The following SBF2 variants were observed in gnomAD, a reference collection of about 807,000 sequenced individuals.
SBF2 encodes the protein myotubularin-related protein 13.
Under a neutral mutation model 225.2 loss-of-function variants are expected in SBF2, and 112 were observed. That is an observed-to-expected ratio of 0.50 (90% CI 0.43 to 0.58). SBF2 has a LOEUF of 0.58. Among genes scored for constraint, SBF2 ranks in the 20% least tolerant of loss-of-function variants. SBF2 has a pLI of 0.00. For synonymous variants in SBF2, 763 were observed against 773.3 expected (o/e 0.99, Z 0.22); for missense variants, 1,996 against 2,206.2 (o/e 0.90, Z 1.91).
chr11:10,098,691 A>G (rs906679253), intron 2 of SBF2, among the ~76,000 whole-genome samples: 8 of 148,558 alleles, frequency 5.4e-5, no homozygotes, highest in South Asian at 2.1e-4. Context: ...ACACACACAC[A>G]CACACACACA....
chr11:9,788,243 C>T (rs1247225220), intron 35 of SBF2, among the ~76,000 whole-genome samples: 1 of 152,198 alleles, frequency 6.6e-6, no homozygotes, highest in African/African-American at 2.4e-5. Context: ...AGGGCAGCTG[C>T]CTCTGTGACT....
intron 29 of SBF2, among the ~76,000 whole-genome samples, chr11:9,815,281 T>TAAAAAAAA (rs35464212): frequency 4.7e-5 from 2 of 42,802 alleles, no homozygotes; most frequent in Non-Finnish European, 7.7e-5. Context: ...CTACTAAAAC[T>TAAAAAAAA]AAAAAAAAAA....
intron 28 of SBF2, among the ~76,000 whole-genome samples, chr11:9,824,624 A>C (rs879629613): frequency 1.3e-5 from 2 of 152,132 alleles, no homozygotes; most frequent in Non-Finnish European, 2.9e-5. Flanking sequence ...TTGAGTACCA[A>C]CATAATAGGA....
chr11:10,068,971 C>A (rs1441668916), intron 2 of SBF2, among the ~76,000 whole-genome samples: 1 of 152,138 alleles, frequency 6.6e-6, no homozygotes, highest in Non-Finnish European at 1.5e-5. Context: ...GCACTCTACC[C>A]CTCACTTCCA....
In SBF2 at chr11:9,909,502, T is replaced by C. The variant is rs1862409772; in HGVS notation, c.1861-13491A>G. 2.6e-5 allele frequency among the ~76,000 whole-genome samples: 4 copies of C among 151,866 alleles called. No homozygotes were observed. The South Asian group carries it at 8.3e-4, about 32-fold the overall frequency. On this transcript the variant is annotated intron_variant, in intron 16 of 39. Transcript: ENST00000256190. ...CTGGCTAACACAGTGAAACCCCACC[T>C]CTACTAAAAATACAAAAATTAGCCG...
At chr11:10,159,133 G>C (rs1955604458) in intron 2 of SBF2, among the ~76,000 whole-genome samples, 1 of 152,162 alleles carries the variant, frequency 6.6e-6, no homozygotes, top group South Asian at 2.1e-4. Flanking sequence ...CTGAGACAGT[G>C]AAAGAGATCT....
intron 13 of SBF2, among the ~76,000 whole-genome samples, chr11:9,970,769 A>T (rs1337983337): frequency 6.6e-6 from 1 of 152,236 alleles, no homozygotes; most frequent in Non-Finnish European, 1.5e-5. Context: ...GTGAAATCAG[A>T]TTTAAAATCT....
intron 2 of SBF2, among the ~76,000 whole-genome samples, chr11:10,160,231 CAT>C (rs763862461): frequency 3.9e-4 from 59 of 151,172 alleles, no homozygotes; most frequent in Non-Finnish European, 7.5e-4. Flanking sequence ...GAAATAAAAA[CAT>C]GTGTTGGTAA....
At position 9,781,126 on chromosome 11, in the gene SBF2, T is replaced by C. The variant is rs985422632; in HGVS notation, c.5451+381A>G. Among the ~76,000 whole-genome samples the C allele has an allele frequency of 4.6e-5, 7 of 152,242 alleles. No homozygotes were observed. In the South Asian group the frequency reaches 6.2e-4, roughly 13 times the overall value. ...CTGAAGATGTTAGCGTAGACACTTA[T>C]CATGTGTGACTAAGGACAGTCTTTT... is the stretch of plus-strand genomic sequence containing the variant. On this transcript the variant is annotated intron_variant, in intron 39 of 39. Coordinates refer to ENST00000256190, the MANE Select transcript of SBF2 (RefSeq NM_030962.4).
chr11:10,041,663 G>A (rs1321545454), intron 3 of SBF2, among the ~76,000 whole-genome samples: 1 of 152,118 alleles, frequency 6.6e-6, no homozygotes, highest in Non-Finnish European at 1.5e-5. Context: ...AAGGTAATTT[G>A]TCTCTTCTTG....
At chr11:10,170,842 A>G (rs763119840) in intron 2 of SBF2, among the ~76,000 whole-genome samples, 9 of 151,738 alleles carry the variant, frequency 5.9e-5, no homozygotes, top group African/African-American at 9.7e-5. Flanking sequence ...AGTGATTTAT[A>G]ATTTTCATTG....
intron 1 of SBF2, among the ~76,000 whole-genome samples, chr11:10,232,350 C>T (rs1008253958): frequency 7.2e-5 from 11 of 152,280 alleles, no homozygotes; most frequent in South Asian, 4.1e-4. Context: ...GTGAGATGAA[C>T]GCGGTACCTC....
At chr11:10,000,467 A>T (rs1034187094) in intron 8 of SBF2, among the ~76,000 whole-genome samples, 1 of 152,206 alleles carries the variant, frequency 6.6e-6, no homozygotes, top group African/African-American at 2.4e-5. Context: ...GGCATTAAGA[A>T]TACAAAAATT....
chr11:10,074,702 T>G (rs570471221), intron 2 of SBF2, among the ~76,000 whole-genome samples: 31 of 152,298 alleles, frequency 2.0e-4, no homozygotes, highest in African/African-American at 7.5e-4. Context: ...ACAGAGAAAA[T>G]TGAAAATGTG....
chr11:10,237,333 C>A (rs564899728), intron 1 of SBF2, among the ~76,000 whole-genome samples: 1 of 151,808 alleles, frequency 6.6e-6, no homozygotes, highest in African/African-American at 2.4e-5. Context: ...AGCAACACAG[C>A]GAGACTCTGT....
At chr11:10,204,495 T>G (rs1270089628) in intron 1 of SBF2, among the ~76,000 whole-genome samples, 1 of 151,560 alleles carries the variant, frequency 6.6e-6, no homozygotes, top group Non-Finnish European at 1.5e-5. Flanking sequence ...AAAAACTAGC[T>G]GGGTGTGGTG....
At chr11:9,792,153 G>A (rs113708561) in intron 33 of SBF2, among the ~76,000 whole-genome samples, 1,599 of 152,146 alleles carry the variant, frequency 0.011, 26 homozygotes, top group African/African-American at 0.035. Flanking sequence ...ATGACTCAGC[G>A]TGGTGCGGTG....
chr11:10,278,751 C>G (rs1457768354), intron 1 of SBF2, among the ~76,000 whole-genome samples: 1 of 149,460 alleles, frequency 6.7e-6, no homozygotes, highest in Non-Finnish European at 1.5e-5. Flanking sequence ...CCCCATTGCA[C>G]TCCAGCCTGG....
At chr11:10,073,932 T>C (rs927064020) in intron 2 of SBF2, among the ~76,000 whole-genome samples, 43 of 152,244 alleles carry the variant, frequency 2.8e-4, no homozygotes, top group African/African-American at 9.6e-4. Flanking sequence ...ACACTGTGGT[T>C]GTGTTAAGAA....
Sources: gnomAD v4.1 joint callset for allele counts (sites outside exome capture counted in the v4.1 genomes callset) on GRCh38, gnomAD v4.1.1 for gene constraint, MANE v1.5 for transcripts, NCBI Gene and HGNC (gene_info 2026-07-23, HGNC 2026-07-21) for gene names.